The following WWTR1 variants were observed in gnomAD, a reference collection of about 807,000 sequenced individuals.
WWTR1 encodes the protein WW domain-containing transcription regulator protein 1.
Under a neutral mutation model 40.1 loss-of-function variants are expected in WWTR1, and 13 were observed. That is an observed-to-expected ratio of 0.32 (90% CI 0.21 to 0.52). The LOEUF is 0.52. Among genes scored for constraint, WWTR1 ranks in the 20% least tolerant of loss-of-function variants. WWTR1 has a pLI of 0.97. For synonymous variants in WWTR1, 230 were observed against 210.1 expected (o/e 1.09, Z -0.82); for missense variants, 436 against 523.1 (o/e 0.83, Z 1.63).
intron 2 of WWTR1, among the ~76,000 whole-genome samples, chr3:149,640,637 T>TCTCACCTGGC (rs1445829128): frequency 6.6e-6 from 1 of 151,992 alleles, no homozygotes; most frequent in Non-Finnish European, 1.5e-5. Context: ...GCCAGGCTGG[T>TCTCACCTGGC]CTCAAACTCC....
chr3:149,519,039 G>A lies in WWTR1; in HGVS notation c.*1766C>T, dbSNP rs1734920514. The A allele has an allele frequency of 6.6e-6, 1 of 151,892 alleles. No individual in the cohort carries two copies. The highest frequency in any genetic ancestry group is 1.5e-5 in the Non-Finnish European group (1 of 67,984). 9.4% of individuals were successfully genotyped at this position (151,892 alleles called of 1,614,324 possible). On this transcript the variant is annotated 3_prime_UTR_variant, in exon 7 of 7. Coordinates refer to ENST00000360632, the MANE Select transcript of WWTR1 (RefSeq NM_015472.6). Reference sequence around the variant, plus strand: ...CTTATTTAAGATCCCCAACAAATAAGTCCCCCATGGAAATTGAAAGTATCC... The same window carrying A: ...CTTATTTAAGATCCCCAACAAATAAATCCCCCATGGAAATTGAAAGTATCC...
intron 4 of WWTR1, 50 bp from the exon 5 acceptor site, chr3:149,528,019 T>C (rs758551709): frequency 1.8e-5 from 28 of 1,583,050 alleles, no homozygotes; most frequent in South Asian, 2.3e-5. Flanking sequence ...TCACAAGGCA[T>C]GGAGCAAAGT....
At chr3:149,527,306 C>T (rs1040978698) in intron 5 of WWTR1, among the ~76,000 whole-genome samples, 2 of 152,074 alleles carry the variant, frequency 1.3e-5, no homozygotes, top group Admixed American at 1.3e-4. Context: ...CACCACCATG[C>T]CCTGCTAATT....
upstream of WWTR1, among the ~76,000 whole-genome samples, chr3:149,659,211 T>C (rs2108170129): frequency 6.6e-6 from 1 of 152,248 alleles, no homozygotes; most frequent in South Asian, 2.1e-4. Context: ...CAAATAGGAG[T>C]TTATTAAGTA....
At chr3:149,649,424 C>T (rs574933567) in intron 2 of WWTR1, among the ~76,000 whole-genome samples, 115 of 152,348 alleles carry the variant, frequency 7.5e-4, no homozygotes, top group African/African-American at 2.7e-3. Context: ...AATGAACTTG[C>T]AAAGGTGGTG....
intron 4 of WWTR1, among the ~76,000 whole-genome samples, chr3:149,538,192 T>C (rs1735919805): frequency 6.6e-6 from 1 of 152,330 alleles, no homozygotes; most frequent in Non-Finnish European, 1.5e-5. Flanking sequence ...AGTGCTGGGA[T>C]TACACGCGTC....
At chr3:149,613,630 C>T (rs1447660248) in intron 2 of WWTR1, among the ~76,000 whole-genome samples, 2 of 152,082 alleles carry the variant, frequency 1.3e-5, no homozygotes, top group Non-Finnish European at 2.9e-5. Context: ...ACTGCAGCCT[C>T]GACCCTCCCT....
In WWTR1 at chr3:149,531,955, C is replaced by A. The variant is rs558373067; in HGVS notation, c.772-3986G>T. On this transcript the variant is annotated intron_variant, in intron 4 of 6. Coordinates refer to ENST00000360632, the MANE Select transcript of WWTR1 (RefSeq NM_015472.6). The stretch of plus-strand genomic sequence containing the variant: ...TAATAGCCTATTGTATACAACCCAA[C>A]TAGCCAGGTGCAGGCTCCATCCTCA... Among the ~76,000 whole-genome samples, 233 of 152,296 alleles carry A rather than the reference C, an allele frequency of 1.5e-3. 2 individuals are homozygous for A. The highest frequency in any genetic ancestry group is 5.4e-3 in the African/African-American group (226 of 41,564).
intron 2 of WWTR1, among the ~76,000 whole-genome samples, chr3:149,666,262 G>C (rs1327576051): frequency 2.6e-5 from 4 of 152,042 alleles, no homozygotes; most frequent in African/African-American, 9.7e-5. Context: ...TTTCATGCCT[G>C]GTCAAAAAAG....
intron 2 of WWTR1, among the ~76,000 whole-genome samples, chr3:149,592,108 C>T (rs1471809619): frequency 6.6e-6 from 1 of 152,116 alleles, no homozygotes; most frequent in Non-Finnish European, 1.5e-5. Flanking sequence ...GAAGATAATC[C>T]CCCTCACCCC....
At chr3:149,529,868 A>T (rs1201256459) in intron 4 of WWTR1, among the ~76,000 whole-genome samples, 1 of 152,190 alleles carries the variant, frequency 6.6e-6, no homozygotes, top group Non-Finnish European at 1.5e-5. Context: ...TTAACCATAA[A>T]TGCAAGAATC....
chr3:149,694,770 A>G (rs1714928634), intron 1 of WWTR1, among the ~76,000 whole-genome samples: 1 of 152,220 alleles, frequency 6.6e-6, no homozygotes, highest in African/African-American at 2.4e-5. Context: ...GTCTCAAAAA[A>G]CTAAAAAACT....
At chr3:149,681,248 C>A (rs2108203732) in intron 1 of WWTR1, among the ~76,000 whole-genome samples, 1 of 152,290 alleles carries the variant, frequency 6.6e-6, no homozygotes. Flanking sequence ...TTTTGAAGAA[C>A]CTCCATGCTG....
chr3:149,558,868 T>C (rs1576558886), intron 3 of WWTR1, among the ~76,000 whole-genome samples: 1 of 152,186 alleles, frequency 6.6e-6, no homozygotes, highest in Non-Finnish European at 1.5e-5. Flanking sequence ...AATCACATCC[T>C]GGGCCAGAAA....
chr3:149,650,346 T>C (rs1211819356), intron 2 of WWTR1, among the ~76,000 whole-genome samples: 1 of 152,202 alleles, frequency 6.6e-6, no homozygotes, highest in Non-Finnish European at 1.5e-5. Flanking sequence ...CACAGAGTTC[T>C]AATCCCATCT....
At chr3:149,636,798 G>A (rs1711839615) in intron 2 of WWTR1, among the ~76,000 whole-genome samples, 1 of 151,762 alleles carries the variant, frequency 6.6e-6, no homozygotes, top group Non-Finnish European at 1.5e-5. Flanking sequence ...AGGCATTAGA[G>A]AAGTATTATG....
intron 2 of WWTR1, among the ~76,000 whole-genome samples, chr3:149,614,162 TGTGC>T (rs771632519): frequency 7.9e-5 from 12 of 152,196 alleles, no homozygotes; most frequent in Non-Finnish European, 1.3e-4. Flanking sequence ...CACACAGTCA[TGTGC>T]AGCATGACTT....
At chr3:149,657,347 T>A (rs1713307473) in intron 1 of WWTR1, 38 bp from the exon 2 acceptor site, 2 of 1,565,434 alleles carry the variant, frequency 1.3e-6, no homozygotes, top group Non-Finnish European at 1.7e-6. Flanking sequence ...TTATTTAAAG[T>A]CGGAGGAAGT....
At chr3:149,557,335 G>A (rs546095813) in intron 3 of WWTR1, among the ~76,000 whole-genome samples, 1 of 152,212 alleles carries the variant, frequency 6.6e-6, no homozygotes, top group East Asian at 1.9e-4. Context: ...GCCTCCCAAA[G>A]TGCTGGGATT....
Sources: allele counts gnomAD v4.1 joint callset (sites outside exome capture counted in the v4.1 genomes callset), GRCh38; gene constraint gnomAD v4.1.1; transcripts MANE v1.5; gene names NCBI Gene and HGNC (gene_info 2026-07-23, HGNC 2026-07-21).